NKD2: variants seen among roughly 807,000 people sequenced by gnomAD.
NKD2 encodes the protein protein naked cuticle homolog 2.
NKD2 carries 43 observed loss-of-function variants against 34.8 expected under a neutral mutation model. That is an observed-to-expected ratio of 1.24 (90% CI 0.97 to 1.60). The LOEUF (loss-of-function observed/expected upper bound fraction) is 1.60. NKD2 is among the 40% of genes most tolerant of loss of function. The probability of loss-of-function intolerance (pLI) is 0.00; values close to 1 mark genes in which losing one functional copy is unlikely to be tolerated. For synonymous variants in NKD2, 278 were observed against 265.1 expected (o/e 1.05, Z -0.47); for missense variants, 675 against 627.1 (o/e 1.08, Z -0.82).
chr5:1,023,013 G>A (rs375677072), intron 3 of NKD2, among the ~76,000 whole-genome samples: 4 of 7,016 alleles, frequency 5.7e-4, no homozygotes, highest in African/African-American at 8.4e-4. Context: ...GTCCCAGCCC[G>A]TTGTCCCTGC....
rs1265369242 is a variant in NKD2, at chr5:1,029,272, A to G, written c.142-2880A>G. On this transcript the variant is annotated intron_variant, in intron 3 of 9. Coordinates refer to ENST00000296849, the MANE Select transcript of NKD2 (RefSeq NM_033120.4). ...TAGGGAATAAGGGGATATTTTTTCA[A>G]TGTGGTTTTCCTCTGTGTTAGGAAC... Among the ~76,000 whole-genome samples the G allele has an allele frequency of 3.3e-5, 5 of 152,300 alleles. No homozygotes were observed. In the South Asian group the frequency reaches 6.2e-4, roughly 19 times the overall value.
At chr5:1,033,139 G>A (rs1257399917) in intron 4 of NKD2, among the ~76,000 whole-genome samples, 1 of 152,226 alleles carries the variant, frequency 6.6e-6, no homozygotes, top group Non-Finnish European at 1.5e-5. Context: ...CTCTGAGGTG[G>A]TGGTTGCAGT....
At chr5:1,029,671 A>G (rs973605415) in intron 3 of NKD2, among the ~76,000 whole-genome samples, 2 of 152,180 alleles carry the variant, frequency 1.3e-5, no homozygotes, top group Admixed American at 1.3e-4. Flanking sequence ...TGTTCAGCAA[A>G]TCGTGGGAAA....
At position 1,025,883 on chromosome 5, in the gene NKD2, CG is replaced by C. The variant is rs1327715572; in HGVS notation, c.142-6268del. On this transcript the variant is annotated intron_variant, in intron 3 of 9. Transcript: ENST00000296849. ...CCCACCCGCTGTGGGCGTCCCAGCC[CG>C]TTGTCCCTGCTCTTCCCACCCTCTG... 2.1e-3 allele frequency among the ~76,000 whole-genome samples: 226 copies of C among 108,946 alleles called. 3 individuals carry two copies. Among genetic ancestry groups the C allele is most frequent in the Non-Finnish European group, 3.1e-3 (164 of 53,394 alleles). 71.5% of individuals were successfully genotyped at this position (108,946 alleles called of 152,430 possible).
chr5:1,031,064 A>C (rs1489825685), intron 3 of NKD2, among the ~76,000 whole-genome samples: 1 of 152,116 alleles, frequency 6.6e-6, no homozygotes, highest in Non-Finnish European at 1.5e-5. Context: ...GACCCTGGCC[A>C]GTGACCACGG....
rs1370293758 is a variant in NKD2 at position 1,035,538 on chromosome 5, TTCCCGCAGGC to T, written c.659+66_659+75del. 3.1e-6 allele frequency: 4 copies of T among 1,308,410 alleles called. No homozygotes were observed. In the African/African-American group the frequency reaches 5.9e-5, roughly 19 times the overall value. The allele number at this position is 1,308,410 out of a possible 1,614,324, so 81.1% of individuals were successfully genotyped here. ...GGGGGCACCCTGGCCACACCCCTGC[TTCCCGCAGGC>T]CACAGGCCACAGGCCACACACCATC... On this transcript the variant is annotated intron_variant, in intron 8 of 9. Coordinates refer to ENST00000296849, the MANE Select transcript of NKD2 (RefSeq NM_033120.4).
chr5:1,031,865 G>T (rs1476388800), intron 3 of NKD2, among the ~76,000 whole-genome samples: 1 of 152,164 alleles, frequency 6.6e-6, no homozygotes, highest in Non-Finnish European at 1.5e-5. Flanking sequence ...TGGCCAAGGG[G>T]ATCCCCAGGG....
intron 3 of NKD2, among the ~76,000 whole-genome samples, chr5:1,011,395 GGA>G (rs1234161934): frequency 1.3e-5 from 2 of 152,180 alleles, no homozygotes; most frequent in Non-Finnish European, 2.9e-5. Context: ...CTGACGTCCA[GGA>G]GAGTCGCAGG....
intron 3 of NKD2, among the ~76,000 whole-genome samples, chr5:1,017,666 GCC>G (rs34405917): frequency 0.19 from 29,086 of 152,092 alleles, 4,226 homozygotes; most frequent in African/African-American, 0.41. Flanking sequence ...AGAGCCCACA[GCC>G]CCCCACCACG....
At chr5:1,025,929 T>G (rs1756374634) in intron 3 of NKD2, among the ~76,000 whole-genome samples, 1 of 115,430 alleles carries the variant, frequency 8.7e-6, no homozygotes, top group Non-Finnish European at 1.7e-5. Flanking sequence ...CAGCCCATTG[T>G]CCCTGCTCTT....
chr5:1,020,278 G>A (rs879814564), intron 3 of NKD2, among the ~76,000 whole-genome samples: 2 of 152,172 alleles, frequency 1.3e-5, no homozygotes, highest in South Asian at 2.1e-4. Context: ...GCGCACACAC[G>A]TATATGTAGG....
chr5:1,029,714 G>A (rs756904868), intron 3 of NKD2, among the ~76,000 whole-genome samples: 73 of 152,256 alleles, frequency 4.8e-4, no homozygotes, highest in African/African-American at 1.5e-3. Context: ...ACTCCACCCC[G>A]TCCAACCCGT....
intron 3 of NKD2, 60 bp from the exon 4 acceptor site, chr5:1,032,092 C>A: frequency 7.3e-7 from 1 of 1,367,938 alleles, no homozygotes; most frequent in Non-Finnish European, 1.0e-6. Context: ...GAGCTCCTGC[C>A]CATCTCCCCC....
At position 1,038,371 on chromosome 5, in the gene NKD2, T is replaced by C; in HGVS notation, c.1354T>C (p.Ter452GlnextTer81). ...CCACCACCACCACTTCCACCCGTCC[T>C]AGCGCCACTGCCAAGCACACCTCGC... is the stretch of plus-strand genomic sequence containing the variant. ...HHHHHHFHPS* is the reference protein window; with the variant it reads ...HHHHHHFHPSQ Residue 452 changes from the stop codon to glutamine, a stop_lost, in exon 10 of 10, where the codon TAG (stop) becomes CAG (glutamine). Coordinates refer to ENST00000296849, the MANE Select transcript of NKD2 (RefSeq NM_033120.4). This position sits in a 1 kb window ranked among gnomAD's most constrained non-coding sequence, Gnocchi z 4.5. 1 of 1,535,550 alleles carries C rather than the reference T, an allele frequency of 6.5e-7. No individual in the cohort carries two copies. The highest frequency in any genetic ancestry group is 1.8e-4 in the Middle Eastern group (1 of 5,702).
At position 1,038,869 on chromosome 5, in the gene NKD2, G is replaced by A; in HGVS notation, c.*496G>A. On this transcript the variant is annotated 3_prime_UTR_variant, in exon 10 of 10. Transcript: ENST00000296849. This position sits in a 1 kb window ranked among gnomAD's most constrained non-coding sequence, Gnocchi z 4.5. The stretch of plus-strand genomic sequence containing the variant: ...GGGCCGGTGGGGGGAAGCAGCTTGT[G>A]CTTAGCAGGGAGCATCCGCGGCTCC... 1 of 278,044 alleles carries A rather than the reference G, an allele frequency of 3.6e-6. No individual in the cohort carries two copies. The highest frequency in any genetic ancestry group is 6.9e-6 in the Non-Finnish European group (1 of 145,796). 17.2% of individuals were successfully genotyped at this position (278,044 alleles called of 1,614,324 possible). A position where few individuals can be genotyped will look rare whatever the true frequency, so the allele number is the denominator to read the frequency against.
rs775034501 is a variant in NKD2, at chr5:1,034,225, C to T, written c.331-10C>T. The T allele has an allele frequency of 1.2e-5, 19 of 1,605,914 alleles. No homozygotes were observed. The highest frequency in any genetic ancestry group is 1.5e-5 in the Non-Finnish European group (18 of 1,175,948). Reference sequence around the variant, plus strand: ...GGAGGCGAGGTCCCGGCCCCCACGTCCCCCCACAGGCACTCCAGTGCGATG... The same window carrying T: ...GGAGGCGAGGTCCCGGCCCCCACGTTCCCCCACAGGCACTCCAGTGCGATG... On this transcript the variant is annotated splice_polypyrimidine_tract_variant and intron_variant, in intron 5 of 9. Coordinates refer to ENST00000296849, the MANE Select transcript of NKD2 (RefSeq NM_033120.4).
In NKD2 at chr5:1,028,825, G is replaced by A. The variant is rs535841387; in HGVS notation, c.142-3327G>A. Among the ~76,000 whole-genome samples the A allele has an allele frequency of 2.6e-5, 4 of 152,058 alleles. No individual in the cohort carries two copies. In the South Asian group the frequency reaches 8.3e-4, roughly 31 times the overall value. ...CTCGGGAGGGAGTGAGGGTAGGGTG[G>A]GTCCTCAGGAGGGCGAGGCCAGGTG... On this transcript the variant is annotated intron_variant, in intron 3 of 9. Transcript: ENST00000296849.
At chr5:1,028,995 T>C (rs981315942) in intron 3 of NKD2, among the ~76,000 whole-genome samples, 1 of 152,192 alleles carries the variant, frequency 6.6e-6, no homozygotes, top group Non-Finnish European at 1.5e-5. Context: ...GCTGCACATC[T>C]GGCCAGCGGC....
At chr5:1,035,071 GGTGA>G (rs1330972532) in intron 7 of NKD2, among the ~76,000 whole-genome samples, 168 bp downstream of exon 7, 4 of 152,078 alleles carry the variant, frequency 2.6e-5, no homozygotes, top group South Asian at 2.1e-4. Context: ...AGAGTAAGTG[GGTGA>G]GTAAGCAGAT....
Sources: gnomAD v4.1 joint callset for allele counts (sites outside exome capture counted in the v4.1 genomes callset) on GRCh38, gnomAD v4.1.1 for gene constraint, Gnocchi (gnomAD v3.1) non-coding constraint, MANE v1.5 for transcripts, NCBI Gene and HGNC (gene_info 2026-07-23, HGNC 2026-07-21) for gene names.